Variants in WAPL observed in about 807,000 individuals in gnomAD.
WAPL encodes WAPL cohesin release factor, also known as wings apart-like protein homolog.
WAPL carries 5 observed loss-of-function variants against 121.0 expected under a neutral mutation model. The observed-to-expected ratio is 0.04, with a 90% CI of 0.02 to 0.09. The LOEUF (loss-of-function observed/expected upper bound fraction) is 0.09. WAPL is among the 10% of genes least tolerant of loss of function. WAPL has a pLI of 1.00. For synonymous variants in WAPL, 480 were observed against 481.5 expected (o/e 1.00, Z 0.04); for missense variants, 999 against 1,410.8 (o/e 0.71, Z 4.68).
At position 86,472,337 on chromosome 10, in the gene WAPL, G is replaced by A; in HGVS notation, c.1901C>T (p.Thr634Ile). 6.3e-7 allele frequency: 1 copy of A among 1,587,450 alleles called. No individual in the cohort carries two copies. Among genetic ancestry groups the A allele is most frequent in the Non-Finnish European group, 8.5e-7 (1 of 1,174,180 alleles). ...GAAGTGCTTCACGTGCTGAACAACA[G>A]TATATAACTGCCAAGAAAAAAAAAG... is the stretch of plus-strand genomic sequence containing the variant. Reference protein sequence around the residue: ...KCRREDKELYTVVQHVKHFND... With the variant: ...KCRREDKELYIVVQHVKHFND... Residue 634 changes from threonine to isoleucine, a missense_variant, in exon 7 of 19, where the codon ACT becomes ATT. By Grantham distance (89) the Thr-to-Ile change is moderately conservative. This residue lies in a region of WAPL where 118 missense variants were observed against 318.3 expected (regional missense o/e 0.37). Transcript: ENST00000298767. This position sits in a 1 kb window ranked among gnomAD's most constrained non-coding sequence, Gnocchi z 4.2.
At chr10:86,511,953 T>C (rs1223669590) in intron 2 of WAPL, among the ~76,000 whole-genome samples, 1 of 147,890 alleles carries the variant, frequency 6.8e-6, no homozygotes, top group African/African-American at 2.5e-5. Flanking sequence ...AAAGAAATAA[T>C]AGGTCTTATC....
At chr10:86,490,081 G>A (rs1423133820) in intron 4 of WAPL, among the ~76,000 whole-genome samples, 3 of 151,912 alleles carry the variant, frequency 2.0e-5, no homozygotes, top group African/African-American at 4.8e-5. Context: ...GGGCATGGTG[G>A]TGCACGTCTG....
chr10:86,496,195 A>T (rs1842146036), intron 4 of WAPL, among the ~76,000 whole-genome samples: 1 of 152,208 alleles, frequency 6.6e-6, no homozygotes, highest in South Asian at 2.1e-4. Context: ...CACATAAAAA[A>T]TGCTCAACAT....
At chr10:86,460,517 G>C (rs376651267) in intron 10 of WAPL, 21 bp from the exon 11 acceptor site, 61 of 1,589,380 alleles carry the variant, frequency 3.8e-5, no homozygotes, top group Non-Finnish European at 4.9e-5. Flanking sequence ...AGAAACAAAC[G>C]TAAGTTAGTA....
chr10:86,488,101 G>A (rs192670139), intron 4 of WAPL, among the ~76,000 whole-genome samples: 9 of 152,132 alleles, frequency 5.9e-5, no homozygotes, highest in Admixed American at 3.3e-4. Flanking sequence ...GATTTCTCTC[G>A]GCGAAGGGAA....
intron 9 of WAPL, among the ~76,000 whole-genome samples, chr10:86,462,721 CA>C (rs59998538): frequency 0.035 from 2,800 of 80,502 alleles, 67 homozygotes; most frequent in African/African-American, 0.12. Flanking sequence ...GATCCCGTCT[CA>C]AAAAAAAAAA....
At position 86,473,988 on chromosome 10, in the gene WAPL, G is replaced by A. The variant is rs1334620583; in HGVS notation, c.1645-15C>T. 6.3e-7 allele frequency: 1 copy of A among 1,598,840 alleles called. No homozygotes were observed. Among genetic ancestry groups the A allele is most frequent in the Admixed American group, 1.7e-5 (1 of 59,820 alleles). ...TTTGTGGGTGACTAGAGAAATGAGA[G>A]AAAGATCAACTGCTTCCATCCTTAT... On this transcript the variant is annotated splice_polypyrimidine_tract_variant and intron_variant, in intron 4 of 18. Transcript: ENST00000298767.
At chr10:86,512,790 A>G (rs1842490724) in intron 2 of WAPL, among the ~76,000 whole-genome samples, 1 of 152,234 alleles carries the variant, frequency 6.6e-6, no homozygotes, top group Non-Finnish European at 1.5e-5. Context: ...GTAGCGTGCA[A>G]AACAGATGCA....
At chr10:86,454,765 C>T (rs1468665299) in intron 12 of WAPL, among the ~76,000 whole-genome samples, 1 of 151,406 alleles carries the variant, frequency 6.6e-6, no homozygotes, top group East Asian at 2.0e-4. Context: ...TCTTCCCAGC[C>T]GCCATCCCGT....
At chr10:86,479,121 A>G (rs1348788473) in intron 4 of WAPL, among the ~76,000 whole-genome samples, 1 of 150,902 alleles carries the variant, frequency 6.6e-6, no homozygotes, top group Admixed American at 6.6e-5. Flanking sequence ...ACAAACAAAA[A>G]AAACAAAACA....
intron 3 of WAPL, 23 bp from the exon 4 acceptor site, chr10:86,497,342 C>T (rs1203388861): frequency 6.5e-7 from 1 of 1,530,814 alleles, no homozygotes; most frequent in Non-Finnish European, 9.0e-7. Flanking sequence ...TCAAAACTAT[C>T]TAGCTTACTA....
rs1051816416 is a variant in WAPL, at chr10:86,521,512, T to C, written c.-170A>G. ...GGCGAGGGACTCTGCTTTCGGTAAA[T>C]AGGAAGCCCGGTTGGGGGGGCAGGA... is the stretch of plus-strand genomic sequence containing the variant. On this transcript the variant is annotated 5_prime_UTR_variant, in exon 1 of 19. Transcript: ENST00000298767. 4 of 359,188 alleles carry C rather than the reference T, an allele frequency of 1.1e-5. No individual in the cohort carries two copies. In the Admixed American group the frequency reaches 1.3e-4, roughly 12 times the overall value. The allele number at this position is 359,188 out of a possible 1,614,324, so 22.3% of individuals were successfully genotyped here.
rs753928152 is a variant in WAPL, at chr10:86,517,761, A to C, written c.309T>G (p.Ala103=). ...KCSSYSESSE[A]AQLEEVTSVL... ...CTGAAGTGACCTCTTCCAACTGAGC[A>C]GCTTCACTAGATTCTGAATAAGAGG... The change falls in exon 2 of 19, where the codon GCT becomes GCG. Residue 103 remains alanine, a synonymous_variant. Coordinates refer to ENST00000298767, the MANE Select transcript of WAPL (RefSeq NM_015045.5). 1.2e-6 allele frequency: 2 copies of C among 1,614,194 alleles called. No homozygotes were observed. Among genetic ancestry groups the C allele is most frequent in the Non-Finnish European group, 1.7e-6 (2 of 1,180,028 alleles).
rs192360201 is a variant in WAPL at position 86,493,968 on chromosome 10, A to G, written c.1644+3233T>C. 1.0e-3 allele frequency among the ~76,000 whole-genome samples: 155 copies of G among 152,296 alleles called. 3 individuals carry two copies. In the East Asian group the frequency reaches 0.022, roughly 21 times the overall value. Reference sequence around the variant, plus strand: ...TAGTAAGCTGAGATTGCGCCACTGCACTCCAGCCTGGGCAACAGAGCAAGA... The same window carrying G: ...TAGTAAGCTGAGATTGCGCCACTGCGCTCCAGCCTGGGCAACAGAGCAAGA... On this transcript the variant is annotated intron_variant, in intron 4 of 18. Coordinates refer to ENST00000298767, the MANE Select transcript of WAPL (RefSeq NM_015045.5).
At chr10:86,460,605 G>A (rs1290163786) in intron 10 of WAPL, 109 bp from the exon 11 acceptor site, 2 of 721,040 alleles carry the variant, frequency 2.8e-6, no homozygotes, top group Non-Finnish European at 4.5e-6. Flanking sequence ...GAACATGCTG[G>A]AACCTCTCTG....
At chr10:86,454,161 A>C (rs1248475801) in intron 12 of WAPL, among the ~76,000 whole-genome samples, 2 of 152,234 alleles carry the variant, frequency 1.3e-5, no homozygotes, top group Non-Finnish European at 2.9e-5. Flanking sequence ...TGAGGTAGTA[A>C]ATGTTATTAC....
At position 86,514,937 on chromosome 10, in the gene WAPL, A is replaced by AC. The variant is rs1842526684; in HGVS notation, c.499+2633dup. Among the ~76,000 whole-genome samples, 3 of 152,136 alleles carry AC rather than the reference A, an allele frequency of 2.0e-5. 1 individual carries two copies. The South Asian group carries it at 6.2e-4, about 32-fold the overall frequency. ...TAATCTTACTTCCTCCGGCCCACCCACCCCACACTGTAGATTATCTGAAAA... is the reference window on the plus strand; with the variant it reads ...TAATCTTACTTCCTCCGGCCCACCCACCCCCACACTGTAGATTATCTGAAAA... On this transcript the variant is annotated intron_variant, in intron 2 of 18. Transcript: ENST00000298767.
intron 9 of WAPL, among the ~76,000 whole-genome samples, chr10:86,463,162 A>G (rs1351303766): frequency 6.6e-6 from 1 of 152,240 alleles, no homozygotes; most frequent in Non-Finnish European, 1.5e-5. Context: ...AAGATGGCTC[A>G]CACCTGTAAT....
At position 86,499,771 on chromosome 10, in the gene WAPL, G is replaced by A; in HGVS notation, c.1472C>T (p.Pro491Leu). 6.2e-7 allele frequency: 1 copy of A among 1,603,650 alleles called. No homozygotes were observed. The highest frequency in any genetic ancestry group is 8.5e-7 in the Non-Finnish European group (1 of 1,177,094). The change falls in exon 3 of 19, where the codon CCC becomes CTC. Residue 491 changes from proline to leucine, a missense_variant. By Grantham distance (98) the Pro-to-Leu change is moderately conservative (BLOSUM62 -3). Around this residue, in one of 7 missense-constraint regions of WAPL, gnomAD observed 531 missense variants for 563.1 expected, o/e 0.94. Coordinates refer to ENST00000298767, the MANE Select transcript of WAPL (RefSeq NM_015045.5). Reference protein sequence around the residue: ...KTAPSPSLQPPPESNDNSQDS... With the variant: ...KTAPSPSLQPLPESNDNSQDS... ...CTGGGAATTATCATTGCTTTCTGGG[G>A]GAGGCTGCAAGGAGGGTGATGGAGC...
Sources: gnomAD v4.1 joint callset for allele counts (sites outside exome capture counted in the v4.1 genomes callset) on GRCh38, gnomAD v4.1.1 for gene constraint, gnomAD v4.1.1 regional missense constraint, Gnocchi (gnomAD v3.1) non-coding constraint, MANE v1.5 for transcripts, NCBI Gene and HGNC (gene_info 2026-07-23, HGNC 2026-07-21) for gene names.